Variants in TAB2 observed in about 807,000 individuals in gnomAD.
TAB2 encodes the protein TGF-beta-activated kinase 1 and MAP3K7-binding protein 2.
Under a neutral mutation model 65.0 loss-of-function variants are expected in TAB2, and 3 were observed. The ratio of observed to expected loss-of-function variants is 0.05; its 90% CI spans 0.02 to 0.12. TAB2 has a LOEUF of 0.12. Among genes scored for constraint, TAB2 ranks in the 10% least tolerant of loss-of-function variants. The pLI is 1.00. For missense variants in TAB2, 623 were observed against 840.3 expected (o/e 0.74, Z 3.20); for synonymous variants, 298 against 285.1 (o/e 1.05, Z -0.46).
intron 1 of TAB2, among the ~76,000 whole-genome samples, chr6:149,223,292 G>A (rs1047362970): frequency 2.6e-5 from 4 of 152,168 alleles, no homozygotes; most frequent in Admixed American, 1.3e-4. Context: ...GTGACCTGTC[G>A]ATGAGGACAT....
intron 1 of TAB2, among the ~76,000 whole-genome samples, chr6:149,302,182 T>C (rs1778982673): frequency 1.3e-5 from 2 of 152,160 alleles, no homozygotes. Flanking sequence ...ATTATGAACA[T>C]ATATATGTAT....
intron 1 of TAB2, among the ~76,000 whole-genome samples, chr6:149,362,698 A>G (rs1780891987): frequency 6.6e-6 from 1 of 152,224 alleles, no homozygotes; most frequent in Non-Finnish European, 1.5e-5. Flanking sequence ...AAACTATCCC[A>G]TCTGGCTTGG....
At chr6:149,255,253 A>G (rs1777996204) in intron 1 of TAB2, 1 of 151,768 alleles carries the variant, frequency 6.6e-6, no homozygotes, top group Admixed American at 6.6e-5. Flanking sequence ...AGGAGAGGAC[A>G]TAGCAAGAAG....
At chr6:149,402,415 A>G (rs1433971903) in intron 6 of TAB2, among the ~76,000 whole-genome samples, 1 of 152,176 alleles carries the variant, frequency 6.6e-6, no homozygotes, top group Non-Finnish European at 1.5e-5. Context: ...TGAGTAGACC[A>G]ATAACAAATA....
At chr6:149,291,288 T>C (rs995249073) in intron 1 of TAB2, 1 of 152,242 alleles carries the variant, frequency 6.6e-6, no homozygotes, top group Non-Finnish European at 1.5e-5. Context: ...TTTTCTTTGA[T>C]TATTCAGAAA....
intron 1 of TAB2, among the ~76,000 whole-genome samples, chr6:149,263,404 C>T (rs1371453339): frequency 1.3e-5 from 2 of 152,108 alleles, no homozygotes; most frequent in African/African-American, 4.8e-5. Context: ...GACACAGAAA[C>T]CTCAATTTCA....
chr6:149,389,527 T>C (rs1626823), intron 3 of TAB2, among the ~76,000 whole-genome samples: 81,482 of 151,078 alleles, frequency 0.54, 22,414 homozygotes, highest in East Asian at 0.72. Context: ...TACCTGTAAT[T>C]CCAGCTACTG....
chr6:149,290,863 A>G (rs1199799370), intron 1 of TAB2, among the ~76,000 whole-genome samples: 1 of 152,264 alleles, frequency 6.6e-6, no homozygotes, highest in Non-Finnish European at 1.5e-5. Flanking sequence ...AAAATAAAAA[A>G]GAAGAAGAAG....
chr6:149,279,847 T>G (rs1170799080), intron 1 of TAB2, among the ~76,000 whole-genome samples: 1 of 152,196 alleles, frequency 6.6e-6, no homozygotes, highest in Non-Finnish European at 1.5e-5. Flanking sequence ...GTTTTTCTTA[T>G]CAAAACCTAT....
chr6:149,288,457 C>T (rs985259106), intron 1 of TAB2, among the ~76,000 whole-genome samples: 7 of 152,182 alleles, frequency 4.6e-5, no homozygotes, highest in African/African-American at 7.2e-5. Flanking sequence ...CTGCCCATCT[C>T]CCAGCCCCCT....
chr6:149,384,145 TTA>T (rs1315016716), intron 3 of TAB2, among the ~76,000 whole-genome samples: 3 of 152,088 alleles, frequency 2.0e-5, no homozygotes, highest in Non-Finnish European at 4.4e-5. Context: ...AAATACTGTT[TTA>T]GAGTAGAAAA....
intron 1 of TAB2, among the ~76,000 whole-genome samples, chr6:149,256,348 T>C (rs757416946): frequency 1.2e-4 from 19 of 152,192 alleles, no homozygotes; most frequent in Non-Finnish European, 1.9e-4. Flanking sequence ...TAGAATTTAA[T>C]ATTTATAAAC....
intron 1 of TAB2, among the ~76,000 whole-genome samples, chr6:149,348,674 AAAGAT>A (rs1400937823): frequency 6.6e-6 from 1 of 151,852 alleles, no homozygotes; most frequent in Non-Finnish European, 1.5e-5. Context: ...CATTAAAAAA[AAAGAT>A]AAGGCCGGGC....
At chr6:149,312,195 C>T (rs913090385) in intron 1 of TAB2, among the ~76,000 whole-genome samples, 1 of 152,208 alleles carries the variant, frequency 6.6e-6, no homozygotes, top group Admixed American at 6.5e-5. Context: ...CTTCTCCCCA[C>T]AGTGGCATCA....
intron 1 of TAB2, among the ~76,000 whole-genome samples, chr6:149,363,038 C>T (rs1236224901): frequency 1.3e-5 from 2 of 152,038 alleles, no homozygotes; most frequent in African/African-American, 4.8e-5. Flanking sequence ...ACTTTTCTTC[C>T]CTGAATACCA....
chr6:149,236,821 C>T (rs139604263), intron 1 of TAB2, among the ~76,000 whole-genome samples: 1 of 152,240 alleles, frequency 6.6e-6, no homozygotes, highest in African/African-American at 2.4e-5. Flanking sequence ...CTGTTTGAAG[C>T]CATTAACAGC....
chr6:149,247,355 C>G (rs1334063636), intron 1 of TAB2: 1 of 152,174 alleles, frequency 6.6e-6, no homozygotes, highest in Non-Finnish European at 1.5e-5. Context: ...TTCTTAAAAC[C>G]ACTCTCTGGG....
intron 1 of TAB2, among the ~76,000 whole-genome samples, chr6:149,368,453 G>A (rs189132800): frequency 6.6e-6 from 1 of 152,202 alleles, no homozygotes; most frequent in Admixed American, 6.5e-5. Context: ...CCCTTTCCAG[G>A]AGTTTTAGCC....
At chr6:149,219,909 A>G (rs1777104276) in intron 1 of TAB2, among the ~76,000 whole-genome samples, 1 of 152,192 alleles carries the variant, frequency 6.6e-6, no homozygotes, top group African/African-American at 2.4e-5. Flanking sequence ...GAAAACCCCA[A>G]AGAACTTTTG....
Sources: allele counts gnomAD v4.1 joint callset (sites outside exome capture counted in the v4.1 genomes callset), GRCh38; gene constraint gnomAD v4.1.1; transcripts MANE v1.5; gene names NCBI Gene and HGNC (gene_info 2026-07-23, HGNC 2026-07-21).